Variants in NAV2 observed in about 807,000 individuals in gnomAD.
The protein encoded by NAV2 is helicase, APC down-regulated 1.
In NAV2, 54 loss-of-function variants were observed where a neutral mutation model predicts 223.2. The ratio of observed to expected loss-of-function variants is 0.24; its 90% CI spans 0.19 to 0.30. The LOEUF (loss-of-function observed/expected upper bound fraction) is 0.30. NAV2 is among the 10% of genes least tolerant of loss of function. NAV2 has a pLI of 1.00. For synonymous variants in NAV2, 1,279 were observed against 1,239.3 expected, an observed-to-expected ratio of 1.03 and a Z score of -0.67; for missense variants, 2,806 against 3,147.5, an observed-to-expected ratio of 0.89 and a Z score of 2.60.
intron 1 of NAV2, among the ~76,000 whole-genome samples, chr11:19,830,062 T>C (rs2059846889): frequency 6.6e-6 from 1 of 152,004 alleles, no homozygotes; most frequent in Non-Finnish European, 1.5e-5. Context: ...TCATCTCTAC[T>C]AAAAATACAA....
Position 19,933,382 on chromosome 11 carries a change from G to A in NAV2, c.1138G>A (p.Gly380Arg). 1 of 1,586,708 alleles carries A rather than the reference G, an allele frequency of 6.3e-7. No individual in the cohort carries two copies. Among genetic ancestry groups the A allele is most frequent in the Non-Finnish European group, 8.6e-7 (1 of 1,165,544 alleles). The change falls in exon 7 of 38, where the codon GGG becomes AGG. Residue 380 changes from glycine to arginine, a missense_variant. Physicochemically the swap from Gly to Arg is moderately radical, Grantham distance 125. This residue lies in a region of NAV2 where 1,167 missense variants were observed against 1,180.5 expected (regional missense o/e 0.99). Coordinates refer to ENST00000349880, the MANE Select transcript of NAV2 (RefSeq NM_145117.5). This position sits in a 1 kb window ranked among gnomAD's most constrained non-coding sequence, Gnocchi z 4.3. The stretch of plus-strand genomic sequence containing the variant: ...ATCCATGCTCTCGGTCAAGCCTCCT[G>A]GGCCTGAGGCCCCCAGGCCCACACC... ...TVSMLSVKPP[G>R]PEAPRPTPEA...
intron 1 of NAV2, among the ~76,000 whole-genome samples, chr11:19,485,730 T>C (rs992994638): frequency 7.5e-5 from 4 of 53,056 alleles, no homozygotes; most frequent in Non-Finnish European, 2.0e-4. Flanking sequence ...TATTAAGGAT[T>C]TTTTTTTTTA....
At chr11:19,880,251 G>A in intron 5 of NAV2, 124 bp downstream of exon 5, 1 of 1,338,338 alleles carries the variant, frequency 7.5e-7, no homozygotes, top group Non-Finnish European at 1.0e-6. Context: ...GCTACTGGTG[G>A]TTAGTGGGAA....
chr11:20,021,596 G>A (rs967542191), intron 11 of NAV2, among the ~76,000 whole-genome samples: 1 of 152,142 alleles, frequency 6.6e-6, no homozygotes, highest in Non-Finnish European at 1.5e-5. Flanking sequence ...GTGGTTTGAA[G>A]CATCCTTGTC....
At chr11:19,771,044 T>C (rs1276638590) in intron 1 of NAV2, among the ~76,000 whole-genome samples, 1 of 152,178 alleles carries the variant, frequency 6.6e-6, no homozygotes, top group Non-Finnish European at 1.5e-5. Context: ...CAGATTCTTC[T>C]GGAAAATTAG....
intron 1 of NAV2, among the ~76,000 whole-genome samples, chr11:19,590,190 T>C (rs898745537): frequency 6.6e-6 from 1 of 152,200 alleles, no homozygotes; most frequent in East Asian, 1.9e-4. Flanking sequence ...AGGTAATGCA[T>C]GTAAAGCATT....
At chr11:19,474,151 G>C (rs1007546415) in intron 1 of NAV2, among the ~76,000 whole-genome samples, 3 of 152,218 alleles carry the variant, frequency 2.0e-5, no homozygotes, top group African/African-American at 7.2e-5. Flanking sequence ...GGAAGAAGTA[G>C]AAGGGTATGA....
intron 1 of NAV2, among the ~76,000 whole-genome samples, chr11:19,636,585 G>A (rs1252177453): frequency 5.9e-5 from 9 of 151,786 alleles, no homozygotes; most frequent in Non-Finnish European, 1.3e-4. Flanking sequence ...CCGCCTCCCG[G>A]GTTCACGCCA....
At chr11:19,421,949 A>G (rs1364038080) in intron 1 of NAV2, among the ~76,000 whole-genome samples, 2 of 152,096 alleles carry the variant, frequency 1.3e-5, no homozygotes, top group African/African-American at 4.8e-5. Flanking sequence ...GTGACACTGT[A>G]CAAGTCACCT....
intron 10 of NAV2, among the ~76,000 whole-genome samples, chr11:19,949,978 C>G (rs886795965): frequency 6.6e-6 from 1 of 152,138 alleles, no homozygotes; most frequent in African/African-American, 2.4e-5. Flanking sequence ...CAGGTGGAGC[C>G]TGCCATGACT....
At chr11:19,938,345 C>T (rs2046097335) in intron 7 of NAV2, among the ~76,000 whole-genome samples, 2 of 152,104 alleles carry the variant, frequency 1.3e-5, no homozygotes, top group Non-Finnish European at 2.9e-5. Flanking sequence ...TAATTGGCCT[C>T]TAAATGGTCA....
intron 1 of NAV2, among the ~76,000 whole-genome samples, chr11:19,530,674 C>T (rs1243975768): frequency 6.6e-6 from 1 of 152,102 alleles, no homozygotes; most frequent in Non-Finnish European, 1.5e-5. Context: ...TCCAGAGCTC[C>T]GTGGCTAAAT....
chr11:19,632,146 G>T (rs1345901038), intron 1 of NAV2, among the ~76,000 whole-genome samples: 1 of 152,164 alleles, frequency 6.6e-6, no homozygotes, highest in East Asian at 1.9e-4. Context: ...TGTATTGGTT[G>T]GATTTCCTGC....
chr11:19,826,267 G>GA (rs1164149182), intron 1 of NAV2, among the ~76,000 whole-genome samples: 4 of 152,152 alleles, frequency 2.6e-5, no homozygotes, highest in African/African-American at 9.7e-5. Context: ...GGCTCCTGGG[G>GA]AAAAAGCAAC....
At position 19,713,905 on chromosome 11, in the gene NAV2, G is replaced by C; in HGVS notation, c.210G>C (p.Ala70=). The C allele has an allele frequency of 6.2e-7, 1 of 1,613,644 alleles. No homozygotes were observed. Among genetic ancestry groups the C allele is most frequent in the Non-Finnish European group, 8.5e-7 (1 of 1,179,990 alleles). ...TGCTGCAGGGGCTGCAGGAGCCAGCGGGGGAGGGGCTCCCGCTGCGGAAGA... is the reference window on the plus strand; with the variant it reads ...TGCTGCAGGGGCTGCAGGAGCCAGCCGGGGAGGGGCTCCCGCTGCGGAAGA... ...SQVLQGLQEP[A]GEGLPLRKSG... The change falls in exon 1 of 38, where the codon GCG becomes GCC. Residue 70 remains alanine, a synonymous_variant. Transcript: ENST00000349880. The surrounding 1 kb of genome is among the most constrained non-coding windows in gnomAD (Gnocchi z 7.2).
chr11:19,846,034 G>A (rs1316862772), intron 3 of NAV2, among the ~76,000 whole-genome samples: 3 of 152,184 alleles, frequency 2.0e-5, no homozygotes, highest in African/African-American at 7.2e-5. Context: ...AGACACCTGT[G>A]CATGGCACTG....
intron 1 of NAV2, among the ~76,000 whole-genome samples, chr11:19,657,584 A>G (rs1483456539): frequency 6.6e-6 from 1 of 151,860 alleles, no homozygotes; most frequent in African/African-American, 2.4e-5. Context: ...TTCTGAAGTC[A>G]CTCCTTCTCT....
chr11:20,100,564 TG>T (rs2061567839), intron 31 of NAV2, among the ~76,000 whole-genome samples: 1 of 150,746 alleles, frequency 6.6e-6, no homozygotes, highest in Non-Finnish European at 1.5e-5. Context: ...TGTGTGTGTG[TG>T]TGTGTGTGTG....
At chr11:20,003,759 G>T (rs1416768873) in intron 11 of NAV2, among the ~76,000 whole-genome samples, 1 of 152,174 alleles carries the variant, frequency 6.6e-6, no homozygotes, top group South Asian at 2.1e-4. Flanking sequence ...AGGGCTGTGG[G>T]CATGAAGCAG....
Sources: gnomAD v4.1 joint callset for allele counts (sites outside exome capture counted in the v4.1 genomes callset) on GRCh38, gnomAD v4.1.1 for gene constraint, gnomAD v4.1.1 regional missense constraint, Gnocchi (gnomAD v3.1) non-coding constraint, MANE v1.5 for transcripts, NCBI Gene and HGNC (gene_info 2026-07-23, HGNC 2026-07-21) for gene names.